Variants in SLC2A4 observed in about 807,000 individuals in gnomAD.
The protein encoded by SLC2A4 is solute carrier family 2 member 4.
SLC2A4 carries 31 observed loss-of-function variants against 53.3 expected under a neutral mutation model. The observed-to-expected ratio is 0.58, with a 90% CI of 0.44 to 0.78. SLC2A4 has a LOEUF of 0.78. SLC2A4 is among the 30% of genes least tolerant of loss of function. The probability of loss-of-function intolerance (pLI) is 0.00; values close to 1 mark genes in which losing one functional copy is unlikely to be tolerated. For synonymous variants in SLC2A4, 276 were observed against 281.9 expected, an observed-to-expected ratio of 0.98 and a Z score of 0.21; for missense variants, 538 against 655.7, an observed-to-expected ratio of 0.82 and a Z score of 1.96.
In SLC2A4 at chr17:7,282,083, T is replaced by C; in HGVS notation, c.33+116T>C. 1 of 841,714 alleles carries C rather than the reference T, an allele frequency of 1.2e-6. No homozygotes were observed. Among genetic ancestry groups the C allele is most frequent in the Non-Finnish European group, 2.0e-6 (1 of 507,690 alleles). The allele number at this position is 841,714 out of a possible 1,614,324, so 52.1% of individuals were successfully genotyped here. A position where few individuals can be genotyped will look rare whatever the true frequency, so the allele number is the denominator to read the frequency against. On this transcript the variant is annotated intron_variant, in intron 1 of 10. Transcript: ENST00000317370. The surrounding 1 kb of genome is among the most constrained non-coding windows in gnomAD (Gnocchi z 4.1). ...CCTGCGCAGGCGCAGGGGGTGAAGG[T>C]AGGGGGCTGGCTATTTATACCCGGC...
At position 7,285,806 on chromosome 17, in the gene SLC2A4, C is replaced by T. The variant is rs778453219; in HGVS notation, c.1224C>T (p.Ala408=). 44 of 1,614,058 alleles carry T rather than the reference C, an allele frequency of 2.7e-5. No homozygotes were observed. Among genetic ancestry groups the T allele is most frequent in the Non-Finnish European group, 3.2e-5 (38 of 1,180,032 alleles). ...GCCCCATTCCTTGGTTCATCGTGGC[C>T]GAGCTCTTCAGCCAGGGACCCCGCC... ...GPGPIPWFIV[A]ELFSQGPRPA... is the part of the protein sequence containing the mutation. The change falls in exon 10 of 11, where the codon GCC becomes GCT. Residue 408 remains alanine (A), a synonymous_variant. Coordinates refer to ENST00000317370, the MANE Select transcript of SLC2A4 (RefSeq NM_001042.3). This position sits in a 1 kb window ranked among gnomAD's most constrained non-coding sequence, Gnocchi z 6.0.
chr17:7,283,806 CT>C lies in SLC2A4; in HGVS notation c.393del (p.Ala132LeufsTer20). 6.2e-7 allele frequency: 1 copy of C among 1,613,960 alleles called. No homozygotes were observed. Among genetic ancestry groups the C allele is most frequent in the South Asian group, 1.1e-5 (1 of 91,078 alleles). ...LGGSLMGLANAAASYEMLILG... is the reference protein window; with the variant it reads ...LGGSLMGLANXAASYEMLILG... The stretch of plus-strand genomic sequence containing the variant: ...GGCAGCCTCATGGGCCTGGCCAATG[CT>C]GCTGCCTCCTATGAAATGCTCATCC... On this transcript the variant is annotated frameshift_variant, in exon 4 of 11. Transcript: ENST00000317370. LOFTEE classifies it high-confidence loss of function. This position sits in a 1 kb window ranked among gnomAD's most constrained non-coding sequence, Gnocchi z 5.8.
In SLC2A4 at chr17:7,287,123, T is replaced by C. The variant is rs1029837867; in HGVS notation, c.*494T>C. 4.3e-3 allele frequency: 622 copies of C among 143,292 alleles called. 22 individuals carry two copies. The highest frequency in any genetic ancestry group is 0.014 in the South Asian group (66 of 4,552). 8.9% of individuals were successfully genotyped at this position (143,292 alleles called of 1,614,324 possible). A position where few individuals can be genotyped will look rare whatever the true frequency, so the allele number is the denominator to read the frequency against. Reference sequence around the variant, plus strand: ...AGACTCTGGGCAAAGGGGTTTTTTTTTTTTTTTTTTTTTTTTTTTTTGAGA... The same window carrying C: ...AGACTCTGGGCAAAGGGGTTTTTTTCTTTTTTTTTTTTTTTTTTTTTGAGA... On this transcript the variant is annotated 3_prime_UTR_variant, in exon 11 of 11. Transcript: ENST00000317370.
In SLC2A4 at chr17:7,286,591, A is replaced by G. The variant is rs2072452473; in HGVS notation, c.1492A>G (p.Thr498Ala). 1 of 1,614,226 alleles carries G rather than the reference A, an allele frequency of 6.2e-7. No homozygotes were observed. The highest frequency in any genetic ancestry group is 2.2e-5 in the East Asian group (1 of 44,890). The change falls in exon 11 of 11, where the codon ACA becomes GCA. Residue 498 changes from threonine to alanine, a missense_variant. Coordinates refer to ENST00000317370, the MANE Select transcript of SLC2A4 (RefSeq NM_001042.3). ...TTTAGAGCAGGAGGTGAAACCCAGC[A>G]CAGAACTTGAGTATTTAGGGCCAGA... is the stretch of plus-strand genomic sequence containing the variant. The part of the protein sequence containing the change: ...SLLEQEVKPS[T>A]ELEYLGPDEN...
chr17:7,283,037 T>C lies in SLC2A4; in HGVS notation c.34-208T>C. The C allele has an allele frequency of 1.6e-6, 1 of 620,614 alleles. No homozygotes were observed. Among genetic ancestry groups the C allele is most frequent in the Non-Finnish European group, 2.9e-6 (1 of 340,686 alleles). The allele number at this position is 620,614 out of a possible 1,614,324, so 38.4% of individuals were successfully genotyped here. ...TTTCTCTGCCTTATGGACCCAAACA[T>C]CCAGTTTCTCCTTTATGCCCAGGTT... On this transcript the variant is annotated intron_variant, in intron 1 of 10. Coordinates refer to ENST00000317370, the MANE Select transcript of SLC2A4 (RefSeq NM_001042.3). The surrounding 1 kb of genome is among the most constrained non-coding windows in gnomAD (Gnocchi z 5.8).
Position 7,285,944 on chromosome 17 carries a change from C to A in SLC2A4, c.1326+36C>A. On this transcript the variant is annotated intron_variant, in intron 10 of 10. Coordinates refer to ENST00000317370, the MANE Select transcript of SLC2A4 (RefSeq NM_001042.3). This position sits in a 1 kb window ranked among gnomAD's most constrained non-coding sequence, Gnocchi z 6.0. ...CCGCCCCAGCCTCCCACACCGTAGG[C>A]CAGAGGTGGGCATCACACAGCTAGC... 1.3e-6 allele frequency: 2 copies of A among 1,581,332 alleles called. No individual in the cohort carries two copies. The highest frequency in any genetic ancestry group is 1.7e-5 in the Admixed American group (1 of 59,162).
At position 7,284,214 on chromosome 17, in the gene SLC2A4, C is replaced by T; in HGVS notation, c.565-3C>T. On this transcript the variant is annotated splice_region_variant and splice_polypyrimidine_tract_variant and intron_variant, in intron 5 of 10. Coordinates refer to ENST00000317370, the MANE Select transcript of SLC2A4 (RefSeq NM_001042.3). This position sits in a 1 kb window ranked among gnomAD's most constrained non-coding sequence, Gnocchi z 7.5. The stretch of plus-strand genomic sequence containing the variant: ...TGCCTTCTTTCCCAACCTTCTCCCA[C>T]AGGTGCTGGGCTTGGAGTCCCTCCT... The T allele has an allele frequency of 6.2e-7, 1 of 1,612,608 alleles. No individual in the cohort carries two copies. The highest frequency in any genetic ancestry group is 1.7e-5 in the Admixed American group (1 of 60,032).
In SLC2A4 at chr17:7,282,082, G is replaced by A. The variant is rs2072407317; in HGVS notation, c.33+115G>A. On this transcript the variant is annotated intron_variant, in intron 1 of 10. Transcript: ENST00000317370. The surrounding 1 kb of genome is among the most constrained non-coding windows in gnomAD (Gnocchi z 4.1). Reference sequence around the variant, plus strand: ...TCCTGCGCAGGCGCAGGGGGTGAAGGTAGGGGGCTGGCTATTTATACCCGG... The same window carrying A: ...TCCTGCGCAGGCGCAGGGGGTGAAGATAGGGGGCTGGCTATTTATACCCGG... 2.3e-6 allele frequency: 2 copies of A among 863,950 alleles called. No homozygotes were observed. The allele number at this position is 863,950 out of a possible 1,614,324, so 53.5% of individuals were successfully genotyped here.
chr17:7,283,292 T>C lies in SLC2A4; in HGVS notation c.81T>C (p.Ala27=), dbSNP rs2072418135. 1 of 1,614,074 alleles carries C rather than the reference T, an allele frequency of 6.2e-7. No individual in the cohort carries two copies. The highest frequency in any genetic ancestry group is 1.3e-5 in the African/African-American group (1 of 74,920). ...GAGTGACTGGGACCCTGGTCCTTGC[T>C]GTGTTCTCTGCGGTGCTTGGCTCCC... ...QQRVTGTLVL[A]VFSAVLGSLQ... The change falls in exon 2 of 11, where the codon GCT becomes GCC. Residue 27 remains alanine, a synonymous_variant. Transcript: ENST00000317370. This position sits in a 1 kb window ranked among gnomAD's most constrained non-coding sequence, Gnocchi z 5.8.
chr17:7,284,301 C>T lies in SLC2A4; in HGVS notation c.649C>T (p.Leu217=). 7 of 1,614,180 alleles carry T rather than the reference C, an allele frequency of 4.3e-6. No individual in the cohort carries two copies. Among genetic ancestry groups the T allele is most frequent in the Non-Finnish European group, 5.9e-6 (7 of 1,180,036 alleles). The change falls in exon 6 of 11, where the codon CTG becomes TTG. Residue 217 remains leucine (L), a synonymous_variant. Coordinates refer to ENST00000317370, the MANE Select transcript of SLC2A4 (RefSeq NM_001042.3). This position sits in a 1 kb window ranked among gnomAD's most constrained non-coding sequence, Gnocchi z 7.5. The part of the protein sequence containing the change: ...GLTVLPALLQ[L]VLLPFCPESP... ...CACAGTGCTACCTGCCCTCCTGCAG[C>T]TGGTCCTGCTGCCCTTCTGTCCCGA...
chr17:7,281,806 C>T lies in SLC2A4; in HGVS notation c.-129C>T. 2.1e-6 allele frequency: 2 copies of T among 945,590 alleles called. No individual in the cohort carries two copies. Among genetic ancestry groups the T allele is most frequent in the Non-Finnish European group, 3.4e-6 (2 of 596,800 alleles). The allele number at this position is 945,590 out of a possible 1,614,324, so 58.6% of individuals were successfully genotyped here. A position where few individuals can be genotyped will look rare whatever the true frequency, so the allele number is the denominator to read the frequency against. On this transcript the variant is annotated 5_prime_UTR_variant, in exon 1 of 11. Transcript: ENST00000317370. Reference sequence around the variant, plus strand: ...CTTGTGGCTGTGGGTCCCATCGGGCCCGCCCTCGCACGTCACTCCGGGACC... The same window carrying T: ...CTTGTGGCTGTGGGTCCCATCGGGCTCGCCCTCGCACGTCACTCCGGGACC...
In SLC2A4 at chr17:7,287,693, G is replaced by C. The variant is rs950314979; in HGVS notation, c.*1064G>C. Reference sequence around the variant, plus strand: ...CTAAGGCAAAGAGGGGATTTGAAAGGCTGCCTGGAAACACTGGGCTGGGAG... The same window carrying C: ...CTAAGGCAAAGAGGGGATTTGAAAGCCTGCCTGGAAACACTGGGCTGGGAG... On this transcript the variant is annotated 3_prime_UTR_variant, in exon 11 of 11. Transcript: ENST00000317370. 6.6e-6 allele frequency: 1 copy of C among 152,230 alleles called. No individual in the cohort carries two copies. The highest frequency in any genetic ancestry group is 2.4e-5 in the African/African-American group (1 of 41,438). The allele number at this position is 152,230 out of a possible 1,614,324, so 9.4% of individuals were successfully genotyped here. A position where few individuals can be genotyped will look rare whatever the true frequency, so the allele number is the denominator to read the frequency against.
chr17:7,286,475 G>A lies in SLC2A4; in HGVS notation c.1376G>A (p.Gly459Asp), dbSNP rs1263258894. The A allele has an allele frequency of 2.5e-6, 4 of 1,614,044 alleles. No homozygotes were observed. The Admixed American group carries it at 5.0e-5, about 20-fold the overall frequency. Residue 459 changes from glycine (G) to aspartate (D), a missense_variant, in exon 11 of 11, where the codon GGC becomes GAC. Physicochemically the swap from Gly to Asp is moderately conservative, Grantham distance 94. Transcript: ENST00000317370. ...CTTCTATTTGCGGTCCTCCTGCTGGGCTTCTTCATCTTCACCTTCTTAAGA... is the reference window on the plus strand; with the variant it reads ...CTTCTATTTGCGGTCCTCCTGCTGGACTTCTTCATCTTCACCTTCTTAAGA... ...VFLLFAVLLL[G>D]FFIFTFLRVP...
Position 7,283,380 on chromosome 17 carries a change from C to T in SLC2A4, c.150+19C>T. 1 of 1,610,662 alleles carries T rather than the reference C, an allele frequency of 6.2e-7. No individual in the cohort carries two copies. The highest frequency in any genetic ancestry group is 8.5e-7 in the Non-Finnish European group (1 of 1,177,848). On this transcript the variant is annotated intron_variant, in intron 2 of 10. Transcript: ENST00000317370. This position sits in a 1 kb window ranked among gnomAD's most constrained non-coding sequence, Gnocchi z 5.8. ...TCAGAAGGTGAGGGCCTGCAGCTGG[C>T]AGGGTGGGGGTACCCAAACGAGGAG...
chr17:7,282,244 C>G lies in SLC2A4; in HGVS notation c.33+277C>G, dbSNP rs1016553525. 1 of 601,348 alleles carries G rather than the reference C, an allele frequency of 1.7e-6. No individual in the cohort carries two copies. 37.3% of individuals were successfully genotyped at this position (601,348 alleles called of 1,614,324 possible). A position where few individuals can be genotyped will look rare whatever the true frequency, so the allele number is the denominator to read the frequency against. On this transcript the variant is annotated intron_variant, in intron 1 of 10. Transcript: ENST00000317370. This position sits in a 1 kb window ranked among gnomAD's most constrained non-coding sequence, Gnocchi z 4.1. ...CTTGCCTAGTAGGCGGCGCGGCGCT[C>G]CGGAATCGGGGACACCCTGCCCTCG... is the stretch of plus-strand genomic sequence containing the variant.
At position 7,283,141 on chromosome 17, in the gene SLC2A4, T is replaced by G; in HGVS notation, c.34-104T>G. 1.1e-6 allele frequency: 1 copy of G among 892,276 alleles called. No homozygotes were observed. The highest frequency in any genetic ancestry group is 1.9e-6 in the Non-Finnish European group (1 of 522,904). The allele number at this position is 892,276 out of a possible 1,614,324, so 55.3% of individuals were successfully genotyped here. On this transcript the variant is annotated intron_variant, in intron 1 of 10. Coordinates refer to ENST00000317370, the MANE Select transcript of SLC2A4 (RefSeq NM_001042.3). This position sits in a 1 kb window ranked among gnomAD's most constrained non-coding sequence, Gnocchi z 5.8. Reference sequence around the variant, plus strand: ...AGTTTCCCTCACCCAACATGTTGGGTGGAGCCCAGTATCTTCAGGCTCCAG... The same window carrying G: ...AGTTTCCCTCACCCAACATGTTGGGGGGAGCCCAGTATCTTCAGGCTCCAG...
chr17:7,282,955 C>G lies in SLC2A4; in HGVS notation c.34-290C>G. The G allele has an allele frequency of 4.6e-6, 2 of 434,230 alleles. No homozygotes were observed. Among genetic ancestry groups the G allele is most frequent in the Non-Finnish European group, 8.6e-6 (2 of 232,312 alleles). The allele number at this position is 434,230 out of a possible 1,614,324, so 26.9% of individuals were successfully genotyped here. A position where few individuals can be genotyped will look rare whatever the true frequency, so the allele number is the denominator to read the frequency against. On this transcript the variant is annotated intron_variant, in intron 1 of 10. Transcript: ENST00000317370. This position sits in a 1 kb window ranked among gnomAD's most constrained non-coding sequence, Gnocchi z 4.1. ...GGCCAAGGTCACACAAATCTGAGCTCTTAAGGCCAAGCCTGTCTCAAGGTC... is the reference window on the plus strand; with the variant it reads ...GGCCAAGGTCACACAAATCTGAGCTGTTAAGGCCAAGCCTGTCTCAAGGTC...
rs2072413811 is a variant in SLC2A4, at chr17:7,282,824, CAT to C, written c.34-420_34-419del. 2 of 351,274 alleles carry C rather than the reference CAT, an allele frequency of 5.7e-6. No individual in the cohort carries two copies. Among genetic ancestry groups the C allele is most frequent in the African/African-American group, 4.3e-5 (2 of 46,796 alleles). The allele number at this position is 351,274 out of a possible 1,614,324, so 21.8% of individuals were successfully genotyped here. On this transcript the variant is annotated intron_variant, in intron 1 of 10. Coordinates refer to ENST00000317370, the MANE Select transcript of SLC2A4 (RefSeq NM_001042.3). The surrounding 1 kb of genome is among the most constrained non-coding windows in gnomAD (Gnocchi z 4.1). ...CCAGCACTGTCAAGGATATTGTTAA[CAT>C]GTGATGTTGATTTTCACAACACTCT...
In SLC2A4 at chr17:7,284,636, G is replaced by A; in HGVS notation, c.879G>A (p.Val293=). ...GGCAGCCCCTGATCATTGCGGTCGT[G>A]CTGCAGCTGAGCCAGCAGCTCTCTG... ...THRQPLIIAV[V]LQLSQQLSGI... Residue 293 remains valine (V), a synonymous_variant, in exon 7 of 11, where the codon GTG becomes GTA. Transcript: ENST00000317370. This position sits in a 1 kb window ranked among gnomAD's most constrained non-coding sequence, Gnocchi z 7.5. The A allele has an allele frequency of 6.2e-7, 1 of 1,614,136 alleles. No individual in the cohort carries two copies. Among genetic ancestry groups the A allele is most frequent in the Non-Finnish European group, 8.5e-7 (1 of 1,180,046 alleles).
Sources: gnomAD v4.1 joint callset for allele counts on GRCh38, gnomAD v4.1.1 for gene constraint, Gnocchi (gnomAD v3.1) non-coding constraint, MANE v1.5 for transcripts, NCBI Gene and HGNC (gene_info 2026-07-23, HGNC 2026-07-21) for gene names.